The following SATB1 variants were observed in gnomAD, a reference collection of about 807,000 sequenced individuals.
SATB1 encodes SATB homeobox 1, also known as DNA-binding protein SATB1.
In SATB1, 11 loss-of-function variants were observed where a neutral mutation model predicts 86.9. The ratio of observed to expected loss-of-function variants is 0.13; its 90% confidence interval spans 0.08 to 0.21. The LOEUF (loss-of-function observed/expected upper bound fraction) is 0.21. SATB1 is among the 10% of genes least tolerant of loss of function. The pLI, the probability that SATB1 is intolerant of heterozygous loss-of-function variation, is 1.00. For missense variants in SATB1, 551 were observed against 937.6 expected, an observed-to-expected ratio of 0.59 and a Z score of 5.39; for synonymous variants, 357 against 357.2, an observed-to-expected ratio of 1.00 and a Z score of 0.01.
chr3:18,345,593 G>C lies in SATB1; in HGVS notation c.*3577C>G, dbSNP rs1008006619. The C allele has an allele frequency of 6.6e-6, 1 of 151,960 alleles. No individual in the cohort carries two copies. The highest frequency in any genetic ancestry group is 1.5e-5 in the Non-Finnish European group (1 of 67,918). 9.4% of individuals were successfully genotyped at this position (151,960 alleles called of 1,614,324 possible). A position where few individuals can be genotyped will look rare whatever the true frequency, so the allele number is the denominator to read the frequency against. On this transcript the variant is annotated 3_prime_UTR_variant, in exon 11 of 11. Coordinates refer to ENST00000338745, the MANE Select transcript of SATB1 (RefSeq NM_002971.6). ...AAAGGATTGCCTCAGAAGAAACATT[G>C]AATTCATAAGCCCTCTTAAAAAGTC... is the stretch of plus-strand genomic sequence containing the variant.
chr3:18,400,132 A>G (rs1697179331), intron 5 of SATB1, among the ~76,000 whole-genome samples: 1 of 152,116 alleles, frequency 6.6e-6, no homozygotes, highest in Non-Finnish European at 1.5e-5. Flanking sequence ...CACAAATAAA[A>G]AAGTCATGAT....
At chr3:18,422,542 G>A (rs1366726572) in intron 1 of SATB1, among the ~76,000 whole-genome samples, 10 of 152,154 alleles carry the variant, frequency 6.6e-5, no homozygotes, top group Non-Finnish European at 2.9e-5. Flanking sequence ...AACAATAAAT[G>A]TGCCTTTTTA....
chr3:18,383,716 T>C (rs1696175036), intron 8 of SATB1, among the ~76,000 whole-genome samples: 1 of 152,194 alleles, frequency 6.6e-6, no homozygotes, highest in African/African-American at 2.4e-5. Context: ...TGGTTCCAGT[T>C]TAAGCATCAT....
Position 18,394,320 on chromosome 3 carries a change from C to T in SATB1, c.1206+142G>A, listed in dbSNP as rs1290454506. On this transcript the variant is annotated intron_variant, in intron 7 of 10. Coordinates refer to ENST00000338745, the MANE Select transcript of SATB1 (RefSeq NM_002971.6). The surrounding 1 kb of genome is among the most constrained non-coding windows in gnomAD (Gnocchi z 5.9). ...AAAAGGAGTGGTAAAATTGAGGCTC[C>T]ACCAGGAATAGGTAATATGATCACA... 3.6e-5 allele frequency: 26 copies of T among 717,348 alleles called. No homozygotes were observed. The highest frequency in any genetic ancestry group is 5.5e-5 in the Non-Finnish European group (24 of 433,274). The allele number at this position is 717,348 out of a possible 1,614,324, so 44.4% of individuals were successfully genotyped here.
At chr3:18,420,682 C>G (rs571446391) in intron 2 of SATB1, 75 bp downstream of exon 2, 5 of 1,183,358 alleles carry the variant, frequency 4.2e-6, no homozygotes, top group African/African-American at 1.5e-5. Context: ...TTCTGCCACT[C>G]CACCCCCACA....
chr3:18,356,591 A>G (rs999231638), intron 9 of SATB1, among the ~76,000 whole-genome samples: 2 of 151,900 alleles, frequency 1.3e-5, no homozygotes, highest in African/African-American at 4.8e-5. Flanking sequence ...CAATATTCTA[A>G]TGATGTGCTT....
chr3:18,418,929 A>C (rs1407836808), intron 2 of SATB1, among the ~76,000 whole-genome samples: 2 of 152,174 alleles, frequency 1.3e-5, no homozygotes, highest in Non-Finnish European at 2.9e-5. Context: ...AATTTACTGT[A>C]CTTTTAGTTT....
chr3:18,412,610 G>A (rs1178352451), intron 5 of SATB1, among the ~76,000 whole-genome samples: 1 of 152,022 alleles, frequency 6.6e-6, no homozygotes, highest in Non-Finnish European at 1.5e-5. Context: ...CTTAACACTT[G>A]GCATTTCTTG....
chr3:18,349,639 G>C lies in SATB1; in HGVS notation c.1823C>G (p.Ala608Gly), dbSNP rs764236515. The C allele has an allele frequency of 6.2e-7, 1 of 1,611,912 alleles. No individual in the cohort carries two copies. The highest frequency in any genetic ancestry group is 1.1e-5 in the South Asian group (1 of 90,948). ...QQQQQQQQQQ[A>G]PPPPQPQQQP... ...CTGCTGTGGCTGTGGAGGCGGCGGT[G>C]CCTGCTGCTGCTGCTGCTGCTGTTG... Residue 608 changes from alanine (A) to glycine (G), a missense_variant, in exon 11 of 11, where the codon GCA becomes GGA. Ala to Gly is a moderately conservative substitution (Grantham distance 60, BLOSUM62 0). This residue lies in a region of SATB1 where 87 missense variants were observed against 103.6 expected (regional missense o/e 0.84). Transcript: ENST00000338745. This position sits in a 1 kb window ranked among gnomAD's most constrained non-coding sequence, Gnocchi z 5.5.
intron 9 of SATB1, among the ~76,000 whole-genome samples, chr3:18,372,911 T>C (rs1695546367): frequency 6.6e-6 from 1 of 152,196 alleles, no homozygotes; most frequent in African/African-American, 2.4e-5. Flanking sequence ...CACATCCTTC[T>C]TACTCAAGAA....
intron 3 of SATB1, 142 bp downstream of exon 3, chr3:18,416,760 C>CA (rs1698132697): frequency 1.3e-6 from 1 of 796,646 alleles, no homozygotes; most frequent in African/African-American, 1.8e-5. Flanking sequence ...TGAATTAAGC[C>CA]AATTTTTTAA....
At chr3:18,436,536 A>G (rs1009695176) in intron 2 of SATB1, among the ~76,000 whole-genome samples, 6 of 151,158 alleles carry the variant, frequency 4.0e-5, no homozygotes, top group Non-Finnish European at 7.4e-5. Flanking sequence ...TCATCCAATT[A>G]TCCAGAAAAT....
At chr3:18,439,109 C>T (rs189542929), upstream of SATB1, among the ~76,000 whole-genome samples, 264 of 152,256 alleles carry the variant, frequency 1.7e-3, no homozygotes, top group African/African-American at 6.0e-3. Context: ...ACTTCTCTAC[C>T]AAATGTCAAA....
At position 18,394,557 on chromosome 3, in the gene SATB1, C is replaced by A. The variant is rs759697876; in HGVS notation, c.1111G>T (p.Val371Leu). 3 of 1,614,006 alleles carry A rather than the reference C, an allele frequency of 1.9e-6. No individual in the cohort carries two copies. The Admixed American group carries it at 5.0e-5, about 27-fold the overall frequency. Residue 371 changes from valine to leucine, a missense_variant, in exon 7 of 11, where the codon GTG (valine) becomes TTG (leucine). By Grantham distance (32) the Val-to-Leu change is conservative. Around this residue, in one of 8 missense-constraint regions of SATB1, gnomAD observed 119 missense variants for 171.1 expected, o/e 0.70. Coordinates refer to ENST00000338745, the MANE Select transcript of SATB1 (RefSeq NM_002971.6). This position sits in a 1 kb window ranked among gnomAD's most constrained non-coding sequence, Gnocchi z 5.9. ...ACCCACTGGTAGATTTCGGAAGACA[C>A]CTCTGTGTTGGTCGAAACCTGTTGC... ...LEQQVSTNTE[V>L]SSEIYQWVRD...
chr3:18,429,970 A>C (rs932656666), upstream of SATB1, among the ~76,000 whole-genome samples: 1 of 152,222 alleles, frequency 6.6e-6, no homozygotes, highest in African/African-American at 2.4e-5. This position sits in a 1 kb window ranked among gnomAD's most constrained non-coding sequence, Gnocchi z 4.1. Context: ...ACCAATTTCC[A>C]CTACAAATTG....
chr3:18,407,313 A>C (rs905178488), intron 5 of SATB1, among the ~76,000 whole-genome samples: 1 of 152,034 alleles, frequency 6.6e-6, no homozygotes, highest in African/African-American at 2.4e-5. Flanking sequence ...AGTGTTCCTT[A>C]ATGTTGAGAT....
At position 18,394,069 on chromosome 3, in the gene SATB1, C is replaced by T. The variant is rs1277520547; in HGVS notation, c.1206+393G>A. ...TACCTAAGTTTGATATGGGTAGTAA[C>T]AACATAAATGGAAAAGACAATAGGC... On this transcript the variant is annotated intron_variant, in intron 7 of 10. Transcript: ENST00000338745. The surrounding 1 kb of genome is among the most constrained non-coding windows in gnomAD (Gnocchi z 5.9). 6.6e-6 allele frequency among the ~76,000 whole-genome samples: 1 copy of T among 152,050 alleles called. No individual in the cohort carries two copies. Among genetic ancestry groups the T allele is most frequent in the African/African-American group, 2.4e-5 (1 of 41,394 alleles).
intron 8 of SATB1, among the ~76,000 whole-genome samples, chr3:18,384,203 A>G (rs1459774238): frequency 6.6e-6 from 1 of 152,204 alleles, no homozygotes; most frequent in Non-Finnish European, 1.5e-5. Context: ...AAATAAATTA[A>G]ACATATATTC....
At chr3:18,417,111 AC>A (rs1698155687) in intron 2 of SATB1, 33 bp from the exon 3 acceptor site, 2 of 1,599,976 alleles carry the variant, frequency 1.3e-6, no homozygotes, top group African/African-American at 1.3e-5. Flanking sequence ...GAGATGGAAA[AC>A]CAACAATCTT....
Sources: allele counts gnomAD v4.1 joint callset (sites outside exome capture counted in the v4.1 genomes callset), GRCh38; gene constraint gnomAD v4.1.1; regional missense constraint gnomAD v4.1.1; non-coding constraint Gnocchi (gnomAD v3.1); transcripts MANE v1.5; gene names NCBI Gene and HGNC (gene_info 2026-07-23, HGNC 2026-07-21).